TEX15: variants seen among roughly 807,000 people sequenced by gnomAD.
The protein encoded by TEX15 is testis expressed 15, meiosis and synapsis associated, also known as testis-expressed protein 15.
In TEX15, 171 loss-of-function variants were observed where a neutral mutation model predicts 237.3. The ratio of observed to expected loss-of-function variants is 0.72; its 90% CI spans 0.64 to 0.82. TEX15 has a LOEUF of 0.82. TEX15 is among the 40% of genes least tolerant of loss of function. The pLI, the probability that TEX15 is intolerant of heterozygous loss-of-function variation, is 0.00. For missense variants in TEX15, 3,750 were observed against 3,646.5 expected (o/e 1.03, Z -0.73); for synonymous variants, 1,338 against 1,269.8 (o/e 1.05, Z -1.14).
intron 1 of TEX15, among the ~76,000 whole-genome samples, chr8:30,905,635 T>C (rs377435203): frequency 2.0e-5 from 3 of 148,408 alleles, no homozygotes; most frequent in African/African-American, 7.5e-5. Context: ...ACGCCTATAA[T>C]CCCAGCATTT....
At chr8:30,883,408 G>A (rs1358127714) in intron 3 of TEX15, among the ~76,000 whole-genome samples, 5 of 151,478 alleles carry the variant, frequency 3.3e-5, no homozygotes, top group African/African-American at 1.2e-4. Flanking sequence ...AAGTTCTGGG[G>A]TGCATGTGCA....
intron 1 of TEX15, among the ~76,000 whole-genome samples, chr8:30,900,952 G>A (rs1018451812): frequency 6.6e-6 from 1 of 152,166 alleles, no homozygotes; most frequent in Non-Finnish European, 1.5e-5. Flanking sequence ...GAGGTCAGGA[G>A]TTTGAGACCA....
Position 30,864,199 on chromosome 8 carries a change from A to C in TEX15, c.540+3066T>G, listed in dbSNP as rs115393704. ...GCTCTCTAGAGGGGTTCAAAGGCAG[A>C]TATGAGCAGGCAAAGGAGAGAATAA... On this transcript the variant is annotated intron_variant, in intron 5 of 10. Coordinates refer to ENST00000643185, the MANE Select transcript of TEX15 (RefSeq NM_001350162.2). 4.3e-3 allele frequency among the ~76,000 whole-genome samples: 647 copies of C among 152,028 alleles called. 5 individuals carry two copies. Among genetic ancestry groups the C allele is most frequent in the African/African-American group, 0.015 (619 of 41,506 alleles).
At chr8:30,898,567 A>AT (rs1304333226) in intron 2 of TEX15, among the ~76,000 whole-genome samples, 175 bp downstream of exon 2, 1 of 152,204 alleles carries the variant, frequency 6.6e-6, no homozygotes, top group Non-Finnish European at 1.5e-5. Context: ...CCCAATAACT[A>AT]TTATCATCAA....
At chr8:30,878,297 G>A (rs1344972152) in intron 3 of TEX15, among the ~76,000 whole-genome samples, 1 of 152,030 alleles carries the variant, frequency 6.6e-6, no homozygotes, top group East Asian at 1.9e-4. Context: ...TTCATGTATA[G>A]GTTTTTGTGT....
At chr8:30,902,472 A>T (rs1210311723) in intron 1 of TEX15, among the ~76,000 whole-genome samples, 1 of 152,238 alleles carries the variant, frequency 6.6e-6, no homozygotes, top group Non-Finnish European at 1.5e-5. Context: ...AAGAAGGAAG[A>T]CAAGGAAGTA....
Position 30,848,888 on chromosome 8 carries a change from T to A in TEX15, c.1279A>T (p.Thr427Ser). The A allele has an allele frequency of 6.2e-7, 1 of 1,614,168 alleles. No homozygotes were observed. The highest frequency in any genetic ancestry group is 8.5e-7 in the Non-Finnish European group (1 of 1,180,032). The change falls in exon 8 of 11, where the codon ACT becomes TCT. Residue 427 changes from threonine to serine, a missense_variant. Physicochemically the swap from Thr to Ser is moderately conservative, Grantham distance 58. Coordinates refer to ENST00000643185, the MANE Select transcript of TEX15 (RefSeq NM_001350162.2). ...HNNTGSSTVT[T>S]SKSIKDPRLM... ...CTTGGGTCTTTGATGGATTTTGAAG[T>A]AGTGACTGTGCTTGAGCCAGTATTG...
chr8:30,890,498 C>T (rs905920827), intron 2 of TEX15: 1 of 152,124 alleles, frequency 6.6e-6, no homozygotes, highest in Non-Finnish European at 1.5e-5. Flanking sequence ...TCTCAATCTC[C>T]TTTGATTTCT....
At chr8:30,905,824 A>C (rs552128081) in intron 1 of TEX15, among the ~76,000 whole-genome samples, 5 of 149,196 alleles carry the variant, frequency 3.4e-5, no homozygotes, top group African/African-American at 1.2e-4. Context: ...GGATTGCTTG[A>C]GCTCAGAAGG....
At position 30,889,964 on chromosome 8, in the gene TEX15, T is replaced by TATATATATACATATATATATATAC. The variant is rs1808763867; in HGVS notation, c.-9-2654_-9-2653insGTATATATATATATGTATATATAT. On this transcript the variant is annotated intron_variant, in intron 2 of 10. Transcript: ENST00000643185. ...ATATATATATATATACATATATATATATATGTATAAGTAAAATCAGGAAGT... is the reference window on the plus strand; with the variant it reads ...ATATATATATATATACATATATATATATATATATACATATATATATATACATATGTATAAGTAAAATCAGGAAGT... Among the ~76,000 whole-genome samples, 3 of 125,982 alleles carry TATATATATACATATATATATATAC rather than the reference T, an allele frequency of 2.4e-5. No homozygotes were observed. In the Admixed American group the frequency reaches 2.8e-4, roughly 12 times the overall value. 82.6% of individuals were successfully genotyped at this position (125,982 alleles called of 152,430 possible).
chr8:30,892,550 T>C (rs1231671187), intron 2 of TEX15, among the ~76,000 whole-genome samples: 1 of 152,244 alleles, frequency 6.6e-6, no homozygotes, highest in Non-Finnish European at 1.5e-5. Flanking sequence ...TAAGATAAGT[T>C]ATACTGTTAT....
chr8:30,900,728 C>T (rs931160675), intron 1 of TEX15, among the ~76,000 whole-genome samples: 1 of 152,264 alleles, frequency 6.6e-6, no homozygotes, highest in Admixed American at 6.5e-5. Context: ...GAGTGGCATA[C>T]AAAATCCCTG....
At chr8:30,855,331 T>C (rs956844807) in intron 7 of TEX15, among the ~76,000 whole-genome samples, 4 of 152,220 alleles carry the variant, frequency 2.6e-5, no homozygotes, top group Admixed American at 2.6e-4. Flanking sequence ...TAATTCCATT[T>C]ATGATAGCAC....
At chr8:30,865,823 C>T (rs1397490511) in intron 5 of TEX15, among the ~76,000 whole-genome samples, 7 of 152,040 alleles carry the variant, frequency 4.6e-5, no homozygotes, top group Non-Finnish European at 7.4e-5. Flanking sequence ...ATATGACAAA[C>T]CTACAGCTAA....
At chr8:30,854,869 A>G (rs1337377412) in intron 7 of TEX15, among the ~76,000 whole-genome samples, 1 of 152,198 alleles carries the variant, frequency 6.6e-6, no homozygotes, top group Non-Finnish European at 1.5e-5. Context: ...GATAAAAACA[A>G]CAACAAAAAA....
At chr8:30,908,767 T>C (rs1022771210) in intron 1 of TEX15, among the ~76,000 whole-genome samples, 5 of 152,202 alleles carry the variant, frequency 3.3e-5, no homozygotes, top group African/African-American at 9.6e-5. Context: ...AAGAGGGGTG[T>C]CTCACATGCT....
chr8:30,849,357 T>C, intron 7 of TEX15, 41 bp from the exon 8 acceptor site: 2 of 1,259,086 alleles, frequency 1.6e-6, no homozygotes, highest in Non-Finnish European at 2.1e-6. Context: ...AAAAAAGTGT[T>C]TCTATAGACA....
rs779449393 is a variant in TEX15 at position 30,845,826 on chromosome 8, C to T, written c.4341G>A (p.Ser1447=). Residue 1447 remains serine, a synonymous_variant, in exon 8 of 11, where the codon TCG becomes TCA. Transcript: ENST00000643185. ...QRKYYSTKHF[S]SKRKYDKRRK... The stretch of plus-strand genomic sequence containing the variant: ...TCCGTTTGTCATATTTTCTTTTTGA[C>T]GAAAAATGCTTAGTAGAATAATATT... 3.6e-5 allele frequency: 58 copies of T among 1,606,610 alleles called. No homozygotes were observed. The highest frequency in any genetic ancestry group is 1.7e-4 in the Middle Eastern group (1 of 6,028).
At position 30,844,551 on chromosome 8, in the gene TEX15, G is replaced by C. The variant is rs1245058788; in HGVS notation, c.5616C>G (p.Tyr1872Ter). The change falls in exon 8 of 11, where the codon TAC becomes TAG. Residue 1872 changes from tyrosine (Y) to a stop codon, truncating the protein, a stop_gained. Coordinates refer to ENST00000643185, the MANE Select transcript of TEX15 (RefSeq NM_001350162.2). LOFTEE classifies it high-confidence loss of function. ...CTGAGATCTGATTCTTTTGATTTTT[G>C]TACTCAGTATTAACAGTTGATCCTT... ...MTEGSTVNTE[Y>*]KNQKNQISEE... 6.2e-7 allele frequency: 1 copy of C among 1,612,068 alleles called. No individual in the cohort carries two copies.
Sources: allele counts gnomAD v4.1 joint callset (sites outside exome capture counted in the v4.1 genomes callset), GRCh38; gene constraint gnomAD v4.1.1; transcripts MANE v1.5; gene names NCBI Gene and HGNC (gene_info 2026-07-23, HGNC 2026-07-21).